CCDC171: variants seen among roughly 807,000 people sequenced by gnomAD.
The protein encoded by CCDC171 is coiled-coil domain-containing protein 171.
A neutral mutation model predicts 168.2 loss-of-function variants in CCDC171; 177 were observed. That is an observed-to-expected ratio of 1.05 (90% CI 0.93 to 1.19). CCDC171 has a LOEUF of 1.19. Ranked by LOEUF, CCDC171 falls within the 50% of genes most tolerant of loss-of-function variation. CCDC171 has a pLI of 0.00. For missense variants in CCDC171, 1,991 were observed against 1,539.0 expected, an observed-to-expected ratio of 1.29 and a Z score of -4.91; for synonymous variants, 687 against 540.8, an observed-to-expected ratio of 1.27 and a Z score of -3.75.
chr9:15,612,355 A>G (rs1006256886), intron 6 of CCDC171, among the ~76,000 whole-genome samples: 6 of 152,194 alleles, frequency 3.9e-5, no homozygotes, highest in Non-Finnish European at 8.8e-5. Flanking sequence ...TGCTCCTGAC[A>G]TCTTTTGTTG....
At chr9:16,097,814 C>A in the CCDC171 span, among the ~76,000 whole-genome samples, 5 of 152,116 alleles carry the variant, frequency 3.3e-5, no homozygotes. Context: ...CGGTGAGAAT[C>A]CAGACACAGC....
Position 15,657,127 on chromosome 9 carries a change from G to A in CCDC171, c.823G>A (p.Ala275Thr), listed in dbSNP as rs906479020. 1.9e-6 allele frequency: 3 copies of A among 1,566,648 alleles called. No individual in the cohort carries two copies. Among genetic ancestry groups the A allele is most frequent in the East Asian group, 4.5e-5 (2 of 44,434 alleles). Residue 275 changes from alanine to threonine, a missense_variant and splice_region_variant, in exon 8 of 26, where the codon GCA becomes ACA. Coordinates refer to ENST00000380701, the MANE Select transcript of CCDC171 (RefSeq NM_173550.4). ...REERLRKEFE[A>T]TTLRVRKLEE... ...ATTTAAACTTTTAATTTGTTTTCAG[G>A]CAACTACTCTAAGAGTGAGGAAATT...
intron 23 of CCDC171, among the ~76,000 whole-genome samples, chr9:15,871,356 T>G (rs1383762616): frequency 6.6e-6 from 1 of 151,840 alleles, no homozygotes; most frequent in East Asian, 1.9e-4. Flanking sequence ...TAATGTATTA[T>G]AAACATAATT....
chr9:15,631,896 A>G (rs1472172230), intron 7 of CCDC171, among the ~76,000 whole-genome samples: 2 of 152,212 alleles, frequency 1.3e-5, no homozygotes, highest in Non-Finnish European at 2.9e-5. Context: ...AATCCATCAT[A>G]TAAACAGAAC....
intron 20 of CCDC171, among the ~76,000 whole-genome samples, chr9:15,782,695 C>G (rs947293939): frequency 6.6e-6 from 1 of 152,036 alleles, no homozygotes; most frequent in African/African-American, 2.4e-5. Context: ...GTTCACAAGA[C>G]CCAGCGCATA....
In CCDC171 at chr9:15,734,109, C is replaced by T. The variant is rs184110221; in HGVS notation, c.2049+4311C>T. On this transcript the variant is annotated intron_variant, in intron 16 of 25. Transcript: ENST00000380701. ...TTTTTGAAGTAAGAGAATCAGTCAT[C>T]ACAAATGCTAATGTTTTAGGAGAAG... 3.6e-3 allele frequency among the ~76,000 whole-genome samples: 552 copies of T among 152,302 alleles called. 3 individuals are homozygous for T. Among genetic ancestry groups the T allele is most frequent in the Middle Eastern group, 0.01 (3 of 294 alleles).
At chr9:15,832,458 G>T (rs970052711) in intron 21 of CCDC171, among the ~76,000 whole-genome samples, 1 of 152,168 alleles carries the variant, frequency 6.6e-6, no homozygotes, top group African/African-American at 2.4e-5. Context: ...AGGCTCCATG[G>T]TAAAGCCTGT....
At chr9:16,099,397 C>G in the CCDC171 span, among the ~76,000 whole-genome samples, 1 of 152,220 alleles carries the variant, frequency 6.6e-6, no homozygotes, top group Non-Finnish European at 1.5e-5. Flanking sequence ...TCAGAAGGTT[C>G]TGGTGAGCAA....
At chr9:15,948,850 G>C (rs4335226) in intron 25 of CCDC171, among the ~76,000 whole-genome samples, 65,590 of 148,870 alleles carry the variant, frequency 0.44, 14,509 homozygotes, top group African/African-American at 0.53. Flanking sequence ...GTCAATTTTG[G>C]CTTTGGTTGC....
intron 18 of CCDC171, among the ~76,000 whole-genome samples, chr9:15,746,551 C>T (rs2055294550): frequency 6.6e-6 from 1 of 152,178 alleles, no homozygotes; most frequent in South Asian, 2.1e-4. Context: ...GGTATTATAA[C>T]TTCAAAGCAA....
chr9:15,590,606 T>C (rs1050082488), intron 4 of CCDC171, among the ~76,000 whole-genome samples: 5 of 152,180 alleles, frequency 3.3e-5, no homozygotes, highest in African/African-American at 1.2e-4. Flanking sequence ...GTTCTAAGGG[T>C]TGGGGTAGTG....
chr9:15,874,713 A>G, intron 24 of CCDC171, 50 bp downstream of exon 24: 1 of 1,460,926 alleles, frequency 6.8e-7, no homozygotes, highest in South Asian at 1.5e-5. Context: ...AGAAAAATAA[A>G]TTGCACTAAC....
chr9:15,695,746 C>CA (rs2051163431), intron 11 of CCDC171, among the ~76,000 whole-genome samples: 1 of 152,180 alleles, frequency 6.6e-6, no homozygotes, highest in Non-Finnish European at 1.5e-5. Context: ...CAGGCTGTAG[C>CA]ATAGCGCATG....
chr9:15,770,114 A>G (rs1340696094), intron 18 of CCDC171, among the ~76,000 whole-genome samples: 2 of 152,212 alleles, frequency 1.3e-5, no homozygotes, highest in Non-Finnish European at 2.9e-5. Context: ...CGAACTATCG[A>G]AGCTTTAATT....
chr9:15,746,091 G>C, intron 18 of CCDC171, among the ~76,000 whole-genome samples: 1 of 152,020 alleles, frequency 6.6e-6, no homozygotes, highest in East Asian at 1.9e-4. Context: ...TGGATAGTCT[G>C]CTCCTTTCCA....
At chr9:15,578,139 G>T (rs1385233573) in intron 3 of CCDC171, among the ~76,000 whole-genome samples, 1 of 151,958 alleles carries the variant, frequency 6.6e-6, no homozygotes, top group Admixed American at 6.6e-5. Context: ...TTCCATTTAG[G>T]GAATAGAAGG....
At chr9:15,650,168 A>T (rs1292044163) in intron 7 of CCDC171, among the ~76,000 whole-genome samples, 1 of 152,178 alleles carries the variant, frequency 6.6e-6, no homozygotes, top group Non-Finnish European at 1.5e-5. Context: ...CAAACACCGC[A>T]TGTTCTCACT....
At chr9:15,779,593 C>T (rs747875315) in intron 20 of CCDC171, among the ~76,000 whole-genome samples, 1 of 152,176 alleles carries the variant, frequency 6.6e-6, no homozygotes, top group Non-Finnish European at 1.5e-5. Flanking sequence ...CTCCTGACCT[C>T]AGCTGATCTG....
In CCDC171 at chr9:15,971,871, A is replaced by C. The variant is rs755211633; in HGVS notation, c.*35A>C. ...ATTAAAAAATGGAGGAAGAGTTAAC[A>C]GTACAATTAAAATTGTTTTGAATGG... On this transcript the variant is annotated 3_prime_UTR_variant, in exon 26 of 26. Transcript: ENST00000380701. 4 of 1,525,102 alleles carry C rather than the reference A, an allele frequency of 2.6e-6. No individual in the cohort carries two copies. The highest frequency in any genetic ancestry group is 1.7e-5 in the Admixed American group (1 of 58,372). 94.5% of individuals were successfully genotyped at this position (1,525,102 alleles called of 1,614,324 possible). A position where few individuals can be genotyped will look rare whatever the true frequency, so the allele number is the denominator to read the frequency against.
Sources: gnomAD v4.1 joint callset for allele counts (sites outside exome capture counted in the v4.1 genomes callset) on GRCh38, gnomAD v4.1.1 for gene constraint, MANE v1.5 for transcripts, NCBI Gene and HGNC (gene_info 2026-07-23, HGNC 2026-07-21) for gene names.